The following CACNA2D3 variants were observed in gnomAD, a reference collection of about 807,000 sequenced individuals.
CACNA2D3 encodes voltage-dependent calcium channel subunit alpha-2/delta-3.
Under a neutral mutation model 160.6 loss-of-function variants are expected in CACNA2D3, and 60 were observed. The observed-to-expected ratio is 0.37, with a 90% CI of 0.30 to 0.46. The LOEUF (loss-of-function observed/expected upper bound fraction) is 0.46, where lower values mean the gene tolerates loss of function less well. CACNA2D3 is among the 20% of genes least tolerant of loss of function. The pLI, the probability that CACNA2D3 is intolerant of heterozygous loss-of-function variation, is 1.00. For missense variants in CACNA2D3, 1,205 were observed against 1,365.0 expected (o/e 0.88, Z 1.85); for synonymous variants, 558 against 492.9 (o/e 1.13, Z -1.75).
At chr3:54,507,709 G>A (rs1701393447) in intron 5 of CACNA2D3, among the ~76,000 whole-genome samples, 2 of 152,200 alleles carry the variant, frequency 1.3e-5, no homozygotes, top group South Asian at 4.1e-4. Context: ...GGAAATGTCT[G>A]GGAATGGAGG....
intron 5 of CACNA2D3, among the ~76,000 whole-genome samples, chr3:54,534,227 A>G (rs182891605): frequency 2.0e-5 from 3 of 152,302 alleles, no homozygotes; most frequent in African/African-American, 7.2e-5. Context: ...TAGCCAGGGT[A>G]ATCTTTTTTG....
intron 20 of CACNA2D3, among the ~76,000 whole-genome samples, chr3:54,879,920 T>C (rs564965611): frequency 6.6e-6 from 1 of 152,368 alleles, no homozygotes; most frequent in Admixed American, 6.5e-5. Context: ...CTTTGCCTCA[T>C]TGGCTGCTTT....
chr3:54,634,464 G>C (rs1169272896), intron 10 of CACNA2D3: 1 of 152,100 alleles, frequency 6.6e-6, no homozygotes, highest in Non-Finnish European at 1.5e-5. Context: ...TATTTACCTT[G>C]TTTTTGTATG....
intron 2 of CACNA2D3, among the ~76,000 whole-genome samples, chr3:54,201,491 C>T (rs946089020): frequency 5.3e-5 from 8 of 152,136 alleles, no homozygotes; most frequent in African/African-American, 1.4e-4. Context: ...CCTTATGGGT[C>T]GTGTTCAGTA....
At chr3:54,781,133 A>G (rs1224142952) in intron 13 of CACNA2D3, among the ~76,000 whole-genome samples, 4 of 152,236 alleles carry the variant, frequency 2.6e-5, no homozygotes, top group African/African-American at 9.6e-5. Flanking sequence ...TCAACCAAGT[A>G]CAACTGAGTG....
chr3:54,123,570 C>T lies in CACNA2D3; in HGVS notation c.180C>T (p.Tyr60=). 1 of 1,613,818 alleles carries T rather than the reference C, an allele frequency of 6.2e-7. No individual in the cohort carries two copies. The highest frequency in any genetic ancestry group is 1.1e-5 in the South Asian group (1 of 91,088). The part of the protein sequence containing the change: ...GGEIKSIAAK[Y]SGSQLLQKKY... ...AGATAAAATCCATTGCTGCTAAGTA[C>T]TCCGGTTCCCAGCTTCTGCAAAAGG... Residue 60 remains tyrosine (Y), a synonymous_variant, in exon 2 of 38, where the codon TAC becomes TAT. Transcript: ENST00000474759.
At chr3:54,138,444 C>A (rs550675950) in intron 2 of CACNA2D3, among the ~76,000 whole-genome samples, 1 of 152,306 alleles carries the variant, frequency 6.6e-6, no homozygotes, top group South Asian at 2.1e-4. Flanking sequence ...ACCTAGAGAA[C>A]CTGCAGTGTT....
At chr3:54,763,105 A>AG (rs1702112407) in intron 12 of CACNA2D3, among the ~76,000 whole-genome samples, 1 of 146,848 alleles carries the variant, frequency 6.8e-6, no homozygotes, top group Non-Finnish European at 1.5e-5. Context: ...AAAAAAAAGA[A>AG]AGAAAAAGAA....
intron 2 of CACNA2D3, among the ~76,000 whole-genome samples, chr3:54,290,438 G>A (rs1703159857): frequency 6.6e-6 from 1 of 152,170 alleles, no homozygotes; most frequent in African/African-American, 2.4e-5. Flanking sequence ...TGGAAAAATA[G>A]GAACACTTTT....
chr3:54,206,528 A>G (rs1701279463), intron 2 of CACNA2D3, among the ~76,000 whole-genome samples: 1 of 152,182 alleles, frequency 6.6e-6, no homozygotes. Flanking sequence ...AGGCATATTG[A>G]TCAGCCTTAA....
intron 13 of CACNA2D3, among the ~76,000 whole-genome samples, chr3:54,804,856 A>C (rs1170875376): frequency 1.3e-5 from 2 of 152,354 alleles, no homozygotes; most frequent in African/African-American, 2.4e-5. Flanking sequence ...ACTGTCTCTC[A>C]GACCACAGTG....
chr3:55,028,449 C>T (rs182900959), intron 35 of CACNA2D3, among the ~76,000 whole-genome samples: 205 of 152,232 alleles, frequency 1.3e-3, no homozygotes, highest in African/African-American at 4.7e-3. Flanking sequence ...AAACAGCAAT[C>T]GAAAACAACT....
At chr3:54,957,216 G>A (rs1701920922) in intron 27 of CACNA2D3, among the ~76,000 whole-genome samples, 2 of 151,196 alleles carry the variant, frequency 1.3e-5, no homozygotes. Context: ...CTGGAGTTCA[G>A]TGGCACAATC....
intron 2 of CACNA2D3, among the ~76,000 whole-genome samples, chr3:54,233,769 C>T (rs914625093): frequency 4.6e-5 from 7 of 152,094 alleles, no homozygotes; most frequent in African/African-American, 1.2e-4. Flanking sequence ...GATCCTTAAG[C>T]GTGGAGGGTT....
intron 12 of CACNA2D3, among the ~76,000 whole-genome samples, chr3:54,755,681 C>G (rs1292968422): frequency 5.9e-5 from 9 of 152,086 alleles, no homozygotes; most frequent in Non-Finnish European, 1.2e-4. Context: ...CCCAGATTTC[C>G]TCTGAGTGAA....
chr3:54,562,816 T>C lies in CACNA2D3; in HGVS notation c.561T>C (p.Asn187=). Residue 187 remains asparagine (N), a synonymous_variant, in exon 6 of 38, where the codon AAT becomes AAC. Transcript: ENST00000474759. ...NMYNKDPAIV[N]GVYWSESLNK... is the part of the protein sequence containing the mutation. Reference sequence around the variant, plus strand: ...TTTTTACAGACCCTGCAATTGTCAATGGGGTTTATTGGTCTGAATCTCTAA... The same window carrying C: ...TTTTTACAGACCCTGCAATTGTCAACGGGGTTTATTGGTCTGAATCTCTAA... 1.2e-6 allele frequency: 2 copies of C among 1,612,346 alleles called. No individual in the cohort carries two copies. The highest frequency in any genetic ancestry group is 1.7e-6 in the Non-Finnish European group (2 of 1,178,580).
chr3:54,976,662 G>A (rs1448702070), intron 29 of CACNA2D3, among the ~76,000 whole-genome samples: 1 of 152,098 alleles, frequency 6.6e-6, no homozygotes, highest in African/African-American at 2.4e-5. Flanking sequence ...CATGTTTTAT[G>A]AAAAACTTCT....
At chr3:54,164,511 G>A (rs1246974681) in intron 2 of CACNA2D3, among the ~76,000 whole-genome samples, 1 of 152,186 alleles carries the variant, frequency 6.6e-6, no homozygotes, top group Non-Finnish European at 1.5e-5. Flanking sequence ...TGTTTCCTCT[G>A]ATATCTTACT....
At chr3:54,713,342 T>G (rs1219716588) in intron 11 of CACNA2D3, among the ~76,000 whole-genome samples, 2 of 152,148 alleles carry the variant, frequency 1.3e-5, no homozygotes, top group African/African-American at 4.8e-5. Flanking sequence ...AGAAAACGTG[T>G]GGTTTGGGCA....
Sources: gnomAD v4.1 joint callset for allele counts (sites outside exome capture counted in the v4.1 genomes callset) on GRCh38, gnomAD v4.1.1 for gene constraint, MANE v1.5 for transcripts, NCBI Gene and HGNC (gene_info 2026-07-23, HGNC 2026-07-21) for gene names.